Variants in ANXA8 observed in about 807,000 individuals in gnomAD.
ANXA8 encodes VAC-beta.
A neutral mutation model predicts 26.8 loss-of-function variants in ANXA8; 9 were observed. The observed-to-expected ratio is 0.34, with a 90% CI of 0.20 to 0.59. ANXA8 has a LOEUF of 0.59. Among genes scored for constraint, ANXA8 ranks in the 20% least tolerant of loss-of-function variants. The pLI is 0.84. For missense variants in ANXA8, 83 were observed against 238.5 expected, an observed-to-expected ratio of 0.35 and a Z score of 4.29; for synonymous variants, 39 against 94.8, an observed-to-expected ratio of 0.41 and a Z score of 3.42.
At chr10:47,688,057 C>T in the ANXA8 span, among the ~76,000 whole-genome samples, 10 of 151,190 alleles carry the variant, frequency 6.6e-5, no homozygotes, top group Admixed American at 2.0e-4. Flanking sequence ...GCTGAGATCG[C>T]GTCATTGCAC....
the ANXA8 span, among the ~76,000 whole-genome samples, chr10:47,944,336 T>A: frequency 4.0e-5 from 6 of 148,904 alleles, no homozygotes; most frequent in Non-Finnish European, 8.9e-5. Context: ...GTAAACACCG[T>A]CAATCTAGAG....
At chr10:47,595,731 C>T in the ANXA8 span, among the ~76,000 whole-genome samples, 8 of 149,412 alleles carry the variant, frequency 5.4e-5, 1 homozygote, top group African/African-American at 2.0e-4. Context: ...AATAAATATG[C>T]ACCCAATATT....
the ANXA8 span, among the ~76,000 whole-genome samples, chr10:47,733,235 CTTTCTTTCTTTCTTTCTTTCTTTCTT>C: frequency 1.1e-4 from 5 of 47,072 alleles, no homozygotes; most frequent in South Asian, 7.5e-4. Flanking sequence ...TTCTTTCTCT[CTTTCTTTCTTTCTTTCTTTCTTTCTT>C]TCTTTCTTTC....
At chr10:47,682,727 C>T in the ANXA8 span, among the ~76,000 whole-genome samples, 8 of 151,928 alleles carry the variant, frequency 5.3e-5, no homozygotes, top group Non-Finnish European at 1.2e-4. Flanking sequence ...ACTTCGGCCT[C>T]CCAAAGTGCT....
At chr10:47,583,652 A>G in the ANXA8 span, among the ~76,000 whole-genome samples, 2 of 139,846 alleles carry the variant, frequency 1.4e-5, no homozygotes, top group Non-Finnish European at 3.0e-5. Context: ...TAAGTACCCT[A>G]TTTAATGCCC....
the ANXA8 span, among the ~76,000 whole-genome samples, chr10:47,646,974 T>C: frequency 1.1e-3 from 160 of 152,270 alleles, no homozygotes; most frequent in African/African-American, 3.8e-3. Flanking sequence ...TTAGTTTGCT[T>C]AATTTAGTGG....
chr10:47,711,828 A>G, the ANXA8 span, among the ~76,000 whole-genome samples: 10 of 55,790 alleles, frequency 1.8e-4, no homozygotes, highest in Non-Finnish European at 3.2e-5. Context: ...AGGTGACTCT[A>G]TGGTGTTTAG....
chr10:47,554,169 C>G, the ANXA8 span, among the ~76,000 whole-genome samples: 1 of 73,030 alleles, frequency 1.4e-5, no homozygotes, highest in African/African-American at 1.0e-4. Context: ...AGCGTCGTGG[C>G]AGGGCGCCTG....
At chr10:47,559,380 G>A in the ANXA8 span, among the ~76,000 whole-genome samples, 1 of 151,582 alleles carries the variant, frequency 6.6e-6, no homozygotes, top group South Asian at 2.1e-4. Flanking sequence ...TGCCCAGCTC[G>A]GCCTCCCAAA....
At chr10:47,513,035 C>CT in the ANXA8 span, among the ~76,000 whole-genome samples, 68 of 131,038 alleles carry the variant, frequency 5.2e-4, 4 homozygotes, top group Non-Finnish European at 8.0e-4. Context: ...GGTGGATTAT[C>CT]TTTTTTTTAT....
chr10:47,518,432 G>T, the ANXA8 span, among the ~76,000 whole-genome samples: 1 of 118,158 alleles, frequency 8.5e-6, no homozygotes, highest in Non-Finnish European at 1.7e-5. Context: ...TTTTTTTTGA[G>T]ATGGAGTCTC....
At chr10:47,954,094 T>C in the ANXA8 span, among the ~76,000 whole-genome samples, 2 of 150,950 alleles carry the variant, frequency 1.3e-5, no homozygotes, top group African/African-American at 4.9e-5. Flanking sequence ...TGCACTTCCA[T>C]GTTTATTGCA....
the ANXA8 span, among the ~76,000 whole-genome samples, chr10:47,670,064 T>G: frequency 6.6e-6 from 1 of 152,044 alleles, no homozygotes; most frequent in East Asian, 1.9e-4. Context: ...GCTTTTTGTT[T>G]CTATGGATTT....
At chr10:47,709,991 T>A in the ANXA8 span, among the ~76,000 whole-genome samples, 1 of 99,806 alleles carries the variant, frequency 1.0e-5, no homozygotes, top group Non-Finnish European at 1.9e-5. Context: ...ACAGCACAAG[T>A]TTTTTGGGGA....
At chr10:47,626,148 G>A in the ANXA8 span, among the ~76,000 whole-genome samples, 2 of 150,156 alleles carry the variant, frequency 1.3e-5, no homozygotes, top group African/African-American at 5.1e-5. Context: ...AAACATAACA[G>A]CTTATAAAGG....
the ANXA8 span, among the ~76,000 whole-genome samples, chr10:47,951,194 G>A: frequency 1.3e-5 from 2 of 149,794 alleles, no homozygotes; most frequent in African/African-American, 5.0e-5. Context: ...CAACCCAGAG[G>A]AAATGGGAAA....
the ANXA8 span, among the ~76,000 whole-genome samples, chr10:47,592,501 A>G: frequency 1.3e-5 from 2 of 149,072 alleles, no homozygotes; most frequent in African/African-American, 2.6e-5. Flanking sequence ...TTGCCTGTCA[A>G]CCCCTTCCCA....
chr10:47,688,097 G>A, the ANXA8 span, among the ~76,000 whole-genome samples: 1 of 149,858 alleles, frequency 6.7e-6, no homozygotes, highest in Admixed American at 6.7e-5. Context: ...GCAAAACTCT[G>A]TCTCAAAATA....
chr10:47,640,042 T>G, the ANXA8 span, among the ~76,000 whole-genome samples: 1 of 143,182 alleles, frequency 7.0e-6, no homozygotes, highest in Non-Finnish European at 1.5e-5. Flanking sequence ...TCCTCCTCCC[T>G]CATCATCCCA....
Sources: allele counts gnomAD v4.1 joint callset (sites outside exome capture counted in the v4.1 genomes callset), GRCh38; gene constraint gnomAD v4.1.1; transcripts MANE v1.5; gene names NCBI Gene and HGNC (gene_info 2026-07-23, HGNC 2026-07-21).